DACH1: variants seen among roughly 807,000 people sequenced by gnomAD.
DACH1 encodes dachshund family transcription factor 1, also known as dachshund homolog 1.
DACH1 carries 12 observed loss-of-function variants against 54.2 expected under a neutral mutation model. The observed-to-expected ratio is 0.22, with a 90% CI of 0.14 to 0.36. DACH1 has a LOEUF of 0.36. Among genes scored for constraint, DACH1 ranks in the 10% least tolerant of loss-of-function variants. The pLI is 1.00. For synonymous variants in DACH1, 386 were observed against 366.2 expected, an observed-to-expected ratio of 1.05 and a Z score of -0.62; for missense variants, 805 against 929.8, an observed-to-expected ratio of 0.87 and a Z score of 1.75.
chr13:71,578,643 T>C (rs1885683209), intron 3 of DACH1, among the ~76,000 whole-genome samples: 1 of 152,168 alleles, frequency 6.6e-6, no homozygotes, highest in South Asian at 2.1e-4. Flanking sequence ...AATCTCCTGA[T>C]GCTTTGGTTT....
At chr13:71,767,138 T>C (rs926438361) in intron 1 of DACH1, among the ~76,000 whole-genome samples, 7 of 151,988 alleles carry the variant, frequency 4.6e-5, no homozygotes, top group African/African-American at 1.7e-4. Flanking sequence ...GCAATTAATA[T>C]ATATTTAACA....
intron 1 of DACH1, among the ~76,000 whole-genome samples, chr13:71,752,122 A>G (rs751594728): frequency 4.6e-5 from 7 of 152,168 alleles, no homozygotes; most frequent in Admixed American, 3.9e-4. Flanking sequence ...AAATAAGTGG[A>G]CATTTTTAAG....
chr13:71,841,023 C>A (rs980754588), intron 1 of DACH1, among the ~76,000 whole-genome samples: 6 of 152,066 alleles, frequency 3.9e-5, no homozygotes, highest in Non-Finnish European at 7.3e-5. Context: ...TAGAAGAAGC[C>A]TAAATAGGGT....
rs765099419 is a variant in DACH1 at position 71,866,590 on chromosome 13, G to A, written c.180C>T (p.Ile60=). ...TGGCCGCCGCCGCCGCCGCCGAAGC[G>A]ATGGGCTCCGGGCGGAACAGAGTTG... ...SGPTLFRPEP[I]ASAAAAAATV... Residue 60 remains isoleucine, a synonymous_variant, in exon 1 of 11, where the codon ATC becomes ATT. Transcript: ENST00000613252. 7 of 1,298,442 alleles carry A rather than the reference G, an allele frequency of 5.4e-6. No individual in the cohort carries two copies. Among genetic ancestry groups the A allele is most frequent in the African/African-American group, 1.5e-5 (1 of 66,132 alleles). 80.4% of individuals were successfully genotyped at this position (1,298,442 alleles called of 1,614,324 possible).
chr13:71,518,543 A>C (rs1156507456), intron 6 of DACH1, among the ~76,000 whole-genome samples: 1 of 151,882 alleles, frequency 6.6e-6, no homozygotes, highest in Admixed American at 6.6e-5. Context: ...CTTTTATAGC[A>C]ATTCCATTAG....
intron 1 of DACH1, among the ~76,000 whole-genome samples, chr13:71,695,197 C>T (rs1323735375): frequency 2.6e-5 from 4 of 152,242 alleles, no homozygotes; most frequent in South Asian, 2.1e-4. Context: ...ATTTAAAACA[C>T]GGCTTCAGTC....
chr13:71,694,481 T>C lies in DACH1; in HGVS notation c.849-12571A>G, dbSNP rs566265991. ...ATGATACCTACCTATGCACCAAACA[T>C]TGCTGTTAATATGATTTACATTCAT... On this transcript the variant is annotated intron_variant, in intron 1 of 10. Coordinates refer to ENST00000613252, the MANE Select transcript of DACH1 (RefSeq NM_080759.6). Among the ~76,000 whole-genome samples, 828 of 152,346 alleles carry C rather than the reference T, an allele frequency of 5.4e-3. 7 individuals are homozygous for C. Among genetic ancestry groups the C allele is most frequent in the African/African-American group, 0.018 (760 of 41,576 alleles).
chr13:71,795,263 A>C (rs1027080515), intron 1 of DACH1, among the ~76,000 whole-genome samples: 6 of 152,184 alleles, frequency 3.9e-5, no homozygotes, highest in Non-Finnish European at 8.8e-5. Context: ...AACGCTGTAA[A>C]GATAGGAGTA....
chr13:71,850,027 T>C (rs754248061), intron 1 of DACH1, among the ~76,000 whole-genome samples: 9 of 152,198 alleles, frequency 5.9e-5, no homozygotes, highest in Non-Finnish European at 1.2e-4. Context: ...CAAGATCTAG[T>C]TGAACAGCCC....
intron 1 of DACH1, among the ~76,000 whole-genome samples, chr13:71,712,333 A>C (rs942568987): frequency 3.9e-5 from 6 of 152,100 alleles, no homozygotes; most frequent in African/African-American, 1.4e-4. Context: ...AATTAAATTG[A>C]AATATCAGGC....
At chr13:71,473,749 T>A (rs1363046735) in intron 10 of DACH1, among the ~76,000 whole-genome samples, 3 of 152,196 alleles carry the variant, frequency 2.0e-5, no homozygotes, top group Non-Finnish European at 2.9e-5. Context: ...GATTTATATG[T>A]CACACTTATC....
intron 1 of DACH1, among the ~76,000 whole-genome samples, chr13:71,824,791 GT>G (rs979824237): frequency 3.9e-5 from 6 of 151,942 alleles, no homozygotes; most frequent in African/African-American, 1.4e-4. Flanking sequence ...AAATATTTCT[GT>G]TTTTTCCTCT....
chr13:71,829,895 T>C (rs567237381), intron 1 of DACH1, among the ~76,000 whole-genome samples: 1 of 151,990 alleles, frequency 6.6e-6, no homozygotes, highest in Non-Finnish European at 1.5e-5. Context: ...AAAAAATGCA[T>C]ATGTAAAACA....
chr13:71,837,402 A>G (rs1409100332), intron 1 of DACH1, among the ~76,000 whole-genome samples: 1 of 122,060 alleles, frequency 8.2e-6, no homozygotes, highest in Non-Finnish European at 1.6e-5. Flanking sequence ...CATTTCTAAA[A>G]TATGGGTTTT....
At chr13:71,543,647 C>T (rs1883279755) in intron 6 of DACH1, among the ~76,000 whole-genome samples, 1 of 152,034 alleles carries the variant, frequency 6.6e-6, no homozygotes, top group Non-Finnish European at 1.5e-5. Context: ...AGATATATTG[C>T]TTAAACTCCC....
At chr13:71,702,005 C>G (rs1023235056) in intron 1 of DACH1, among the ~76,000 whole-genome samples, 1 of 152,120 alleles carries the variant, frequency 6.6e-6, no homozygotes, top group African/African-American at 2.4e-5. Flanking sequence ...TATCTGTCTT[C>G]TCTTTTTCCT....
At chr13:71,861,907 C>CAAAAAAA (rs71126514) in intron 1 of DACH1, among the ~76,000 whole-genome samples, 12 of 86,422 alleles carry the variant, frequency 1.4e-4, no homozygotes, top group East Asian at 1.2e-3. Context: ...AACTCCTAAC[C>CAAAAAAA]AAAAAAAAAA....
At chr13:71,792,701 G>T (rs1886881771) in intron 1 of DACH1, among the ~76,000 whole-genome samples, 1 of 152,138 alleles carries the variant, frequency 6.6e-6, no homozygotes, top group African/African-American at 2.4e-5. Flanking sequence ...ACTAGAAGGA[G>T]GCATATACTC....
At chr13:71,616,365 T>C (rs1383512696) in intron 3 of DACH1, among the ~76,000 whole-genome samples, 2 of 152,216 alleles carry the variant, frequency 1.3e-5, no homozygotes, top group Admixed American at 1.3e-4. Context: ...AACCTGTCTA[T>C]ACTGGAACAG....
Sources: allele counts gnomAD v4.1 joint callset (sites outside exome capture counted in the v4.1 genomes callset), GRCh38; gene constraint gnomAD v4.1.1; transcripts MANE v1.5; gene names NCBI Gene and HGNC (gene_info 2026-07-23, HGNC 2026-07-21).